Variants in HSPA4L observed in about 807,000 individuals in gnomAD.
HSPA4L encodes heat shock 70 kDa protein 4L.
In HSPA4L, 48 loss-of-function variants were observed where a neutral mutation model predicts 100.3. The observed-to-expected ratio is 0.48, with a 90% CI of 0.38 to 0.61. The LOEUF (loss-of-function observed/expected upper bound fraction) is 0.61, where lower values mean the gene tolerates loss of function less well. HSPA4L is among the 20% of genes least tolerant of loss of function. The probability of loss-of-function intolerance (pLI) is 0.00; values close to 1 mark genes in which losing one functional copy is unlikely to be tolerated. For synonymous variants in HSPA4L, 319 were observed against 328.2 expected (o/e 0.97, Z 0.30); for missense variants, 886 against 988.6 (o/e 0.90, Z 1.39).
chr4:127,827,450 T>TTCATAAA, intron 17 of HSPA4L, 26 bp downstream of exon 17: 1 of 1,613,010 alleles, frequency 6.2e-7, no homozygotes, highest in African/African-American at 1.3e-5. Flanking sequence ...AGCCAATTGG[T>TTCATAAA]GACGATGGCA....
At chr4:127,806,552 A>T (rs1424299826) in intron 10 of HSPA4L, among the ~76,000 whole-genome samples, 1 of 151,962 alleles carries the variant, frequency 6.6e-6, no homozygotes, top group Non-Finnish European at 1.5e-5. Context: ...TTAATTGAAC[A>T]TGCCAATATT....
rs1033051509 is a variant in HSPA4L, at chr4:127,838,249, C to CT, written c.*5376dup. ...CTGGAATTTTCAGAACATTAAAAAA[C>CT]TGAAACCACTTAGAAGAAAAGAAGA... On this transcript the variant is annotated 3_prime_UTR_variant, in exon 19 of 19. Transcript: ENST00000296464. The CT allele has an allele frequency of 4.6e-5, 7 of 152,084 alleles. No homozygotes were observed. The highest frequency in any genetic ancestry group is 1.7e-4 in the African/African-American group (7 of 41,408). The allele number at this position is 152,084 out of a possible 1,614,324, so 9.4% of individuals were successfully genotyped here.
In HSPA4L at chr4:127,805,076, T is replaced by TA; in HGVS notation, c.990dup (p.Gln331ThrfsTer3). 1 of 1,588,040 alleles carries TA rather than the reference T, an allele frequency of 6.3e-7. No homozygotes were observed. ...CTCAATTAAAAAAATTTTCCAGACT[T>TA]ACAACGTGAAGACATTAGTAGTATA... is the stretch of plus-strand genomic sequence containing the variant. On this transcript the variant is annotated frameshift_variant, in exon 9 of 19. Transcript: ENST00000296464. LOFTEE classifies it high-confidence loss of function.
chr4:127,804,051 G>A lies in HSPA4L; in HGVS notation c.949G>A (p.Val317Ile). Residue 317 changes from valine (V) to isoleucine (I), a missense_variant, in exon 8 of 19, where the codon GTT becomes ATT. Coordinates refer to ENST00000296464, the MANE Select transcript of HSPA4L (RefSeq NM_014278.4). ...EQLCASLLAR[V>I]EPPLKAVMEQ... ...ACTGTGTGCTTCCCTTTTGGCCAGG[G>A]TTGAACCACCTTTAAAAGCAGTAAT... 6.2e-7 allele frequency: 1 copy of A among 1,614,016 alleles called. No individual in the cohort carries two copies. Among genetic ancestry groups the A allele is most frequent in the Non-Finnish European group, 8.5e-7 (1 of 1,179,972 alleles).
intron 13 of HSPA4L, among the ~76,000 whole-genome samples, chr4:127,820,088 T>C (rs1343245993): frequency 6.6e-6 from 1 of 152,168 alleles, no homozygotes; most frequent in African/African-American, 2.4e-5. Context: ...TTTTCCAGAA[T>C]GGCTGCAACA....
Position 127,833,063 on chromosome 4 carries a change from T to C in HSPA4L, c.*189T>C, listed in dbSNP as rs2148802806. 2.4e-6 allele frequency: 1 copy of C among 424,222 alleles called. No homozygotes were observed. Among genetic ancestry groups the C allele is most frequent in the Non-Finnish European group, 4.1e-6 (1 of 241,546 alleles). 26.3% of individuals were successfully genotyped at this position (424,222 alleles called of 1,614,324 possible). Reference sequence around the variant, plus strand: ...CATTTCCATTGCTGCTTATATGCAGTGTTAGCCGAATTAGATTTACAAGAC... The same window carrying C: ...CATTTCCATTGCTGCTTATATGCAGCGTTAGCCGAATTAGATTTACAAGAC... On this transcript the variant is annotated 3_prime_UTR_variant, in exon 19 of 19. Transcript: ENST00000296464.
chr4:127,803,918 A>G, intron 7 of HSPA4L, 45 bp downstream of exon 7: 9 of 1,606,994 alleles, frequency 5.6e-6, no homozygotes, highest in Non-Finnish European at 7.7e-6. Flanking sequence ...CTTATTTTAT[A>G]ATGTTTAGAT....
intron 12 of HSPA4L, among the ~76,000 whole-genome samples, chr4:127,814,450 C>A (rs1257653101): frequency 1.3e-5 from 2 of 151,814 alleles, no homozygotes; most frequent in Non-Finnish European, 2.9e-5. Context: ...CAGCCTAAAT[C>A]TTTTAAATCC....
rs191221288 is a variant in HSPA4L, at chr4:127,804,249, C to T, written c.985+162C>T. Among the ~76,000 whole-genome samples, 474 of 152,114 alleles carry T rather than the reference C, an allele frequency of 3.1e-3. 2 individuals carry two copies. Among genetic ancestry groups the T allele is most frequent in the Non-Finnish European group, 5.3e-3 (363 of 68,004 alleles). On this transcript the variant is annotated intron_variant, in intron 8 of 18. Coordinates refer to ENST00000296464, the MANE Select transcript of HSPA4L (RefSeq NM_014278.4). ...TAACTCATTATTCATAAGAGTAAGG[C>T]AGTATAATTCTGGGTTTATGAGAAT...
intron 11 of HSPA4L, 139 bp from the exon 12 acceptor site, chr4:127,811,298 G>C: frequency 1.6e-6 from 1 of 644,196 alleles, no homozygotes; most frequent in Non-Finnish European, 2.7e-6. Flanking sequence ...CTGCCCCATA[G>C]TGATCAATCA....
chr4:127,791,471 T>G (rs1174585799), intron 1 of HSPA4L, among the ~76,000 whole-genome samples: 1 of 152,260 alleles, frequency 6.6e-6, no homozygotes, highest in Non-Finnish European at 1.5e-5. Context: ...TATTTTGCAC[T>G]TTATATAAGC....
chr4:127,797,082 G>A (rs1411522531), intron 3 of HSPA4L, among the ~76,000 whole-genome samples: 1 of 152,122 alleles, frequency 6.6e-6, no homozygotes, highest in African/African-American at 2.4e-5. Context: ...TCGTAGTAAG[G>A]AGACAGGAGG....
Position 127,798,701 on chromosome 4 carries a change from G to A in HSPA4L, c.421G>A (p.Val141Met). 6.2e-7 allele frequency: 1 copy of A among 1,613,422 alleles called. No homozygotes were observed. Among genetic ancestry groups the A allele is most frequent in the Non-Finnish European group, 8.5e-7 (1 of 1,179,596 alleles). The change falls in exon 4 of 19, where the codon GTG becomes ATG. Residue 141 changes from valine to methionine, a missense_variant. Physicochemically the swap from Val to Met is conservative, Grantham distance 21 (BLOSUM62 1). Coordinates refer to ENST00000296464, the MANE Select transcript of HSPA4L (RefSeq NM_014278.4). ...NALKKPVADC[V>M]ISIPSFFTDA... Reference sequence around the variant, plus strand: ...TTTGAAGAAACCAGTGGCTGACTGTGTGATTTCAGTAAGTTTTACTTCAGT... The same window carrying A: ...TTTGAAGAAACCAGTGGCTGACTGTATGATTTCAGTAAGTTTTACTTCAGT...
In HSPA4L at chr4:127,832,765, G is replaced by A. The variant is rs1276986056; in HGVS notation, c.2411G>A (p.Ser804Asn). ...EVPEDKPKAN[S>N]EHNGPMDGQS... Reference sequence around the variant, plus strand: ...CCTGAAGACAAACCAAAAGCTAATAGTGAACACAATGGCCCAATGGATGGA... The same window carrying A: ...CCTGAAGACAAACCAAAAGCTAATAATGAACACAATGGCCCAATGGATGGA... Residue 804 changes from serine (S) to asparagine (N), a missense_variant, in exon 19 of 19, where the codon AGT (serine) becomes AAT (asparagine). Coordinates refer to ENST00000296464, the MANE Select transcript of HSPA4L (RefSeq NM_014278.4). The A allele has an allele frequency of 1.2e-6, 2 of 1,613,566 alleles. No individual in the cohort carries two copies. Among genetic ancestry groups the A allele is most frequent in the African/African-American group, 2.7e-5 (2 of 74,884 alleles).
chr4:127,805,594 T>G (rs1163919127), intron 9 of HSPA4L, 93 bp from the exon 10 acceptor site: 2 of 874,812 alleles, frequency 2.3e-6, no homozygotes, highest in Non-Finnish European at 3.4e-6. Context: ...GTAACAGTTG[T>G]AATAGGAGGA....
At chr4:127,811,660 G>A in intron 12 of HSPA4L, 24 bp downstream of exon 12, 1 of 1,529,766 alleles carries the variant, frequency 6.5e-7, no homozygotes, top group South Asian at 1.1e-5. Context: ...CTTTCTCAAT[G>A]TTCTTGTAAT....
At chr4:127,807,194 TA>T (rs970091616) in intron 10 of HSPA4L, among the ~76,000 whole-genome samples, 1 of 151,942 alleles carries the variant, frequency 6.6e-6, no homozygotes, top group African/African-American at 2.4e-5. Context: ...CTTATAGTAA[TA>T]GGATGATATA....
intron 13 of HSPA4L, 88 bp from the exon 14 acceptor site, chr4:127,820,339 TA>T: frequency 1.8e-6 from 2 of 1,092,814 alleles, no homozygotes; most frequent in Non-Finnish European, 2.6e-6. Context: ...TAACAGATCA[TA>T]ATCGTTTTGA....
chr4:127,811,483 T>C lies in HSPA4L; in HGVS notation c.1425T>C (p.Ser475=), dbSNP rs1332258292. 1.2e-6 allele frequency: 2 copies of C among 1,614,024 alleles called. No individual in the cohort carries two copies. Among genetic ancestry groups the C allele is most frequent in the Non-Finnish European group, 1.7e-6 (2 of 1,179,972 alleles). The part of the protein sequence containing the change: ...QNVFPQSDGD[S]SKVKVKVRVN... ...TTTTTCCACAGTCTGATGGTGATAG[T>C]TCCAAAGTGAAGGTTAAAGTTCGTG... The change falls in exon 12 of 19, where the codon AGT becomes AGC. Residue 475 remains serine (S), a synonymous_variant. Transcript: ENST00000296464.
Sources: allele counts gnomAD v4.1 joint callset (sites outside exome capture counted in the v4.1 genomes callset), GRCh38; gene constraint gnomAD v4.1.1; transcripts MANE v1.5; gene names NCBI Gene and HGNC (gene_info 2026-07-23, HGNC 2026-07-21).